Variants in CCDC33 observed in about 807,000 individuals in gnomAD.
The protein encoded by CCDC33 is coiled-coil domain-containing protein 33.
CCDC33 carries 94 observed loss-of-function variants against 91.9 expected under a neutral mutation model. The observed-to-expected ratio is 1.02, with a 90% CI of 0.87 to 1.21. The LOEUF (loss-of-function observed/expected upper bound fraction) is 1.21, where lower values mean the gene tolerates loss of function less well. Ranked by LOEUF, CCDC33 falls within the 50% of genes most tolerant of loss-of-function variation. The pLI is 0.00. For synonymous variants in CCDC33, 396 were observed against 374.5 expected (o/e 1.06, Z -0.66); for missense variants, 940 against 935.5 (o/e 1.00, Z -0.06).
chr15:74,319,816 C>T (rs2142807857), intron 11 of CCDC33: 1 of 152,358 alleles, frequency 6.6e-6, no homozygotes, highest in South Asian at 2.1e-4. Flanking sequence ...GCCAATTAGA[C>T]AGGGGCTGAG....
chr15:74,243,492 G>A (rs1435840741), intron 1 of CCDC33, among the ~76,000 whole-genome samples: 1 of 152,242 alleles, frequency 6.6e-6, no homozygotes, highest in African/African-American at 2.4e-5. Context: ...CAGGACTAGA[G>A]GAGAGGCACT....
chr15:74,266,192 T>A (rs766524865), intron 3 of CCDC33, among the ~76,000 whole-genome samples: 1 of 152,232 alleles, frequency 6.6e-6, no homozygotes, highest in Non-Finnish European at 1.5e-5. Context: ...AGCAGATCAC[T>A]TTTTCTTACT....
At chr15:74,327,998 T>C (rs1416031811) in intron 11 of CCDC33, among the ~76,000 whole-genome samples, 1 of 152,230 alleles carries the variant, frequency 6.6e-6, no homozygotes, top group Non-Finnish European at 1.5e-5. Flanking sequence ...CATCCCTGCA[T>C]GCATTTTCCT....
intron 5 of CCDC33, among the ~76,000 whole-genome samples, chr15:74,270,327 G>A (rs911352390): frequency 6.6e-6 from 1 of 152,210 alleles, no homozygotes; most frequent in African/African-American, 2.4e-5. Context: ...CAGGGAGTCT[G>A]AGTAGAGGGA....
intron 10 of CCDC33, among the ~76,000 whole-genome samples, chr15:74,293,364 T>TTGCCCTGTA (rs2059620683): frequency 6.6e-6 from 1 of 152,182 alleles, no homozygotes; most frequent in African/African-American, 2.4e-5. Flanking sequence ...AAGGTGGTCT[T>TTGCCCTGTA]TGCCCTGTAT....
intron 1 of CCDC33, among the ~76,000 whole-genome samples, chr15:74,238,369 C>T (rs1043781786): frequency 7.5e-5 from 11 of 146,906 alleles, no homozygotes; most frequent in Admixed American, 2.8e-4. Flanking sequence ...GATAGCACCA[C>T]AGCACTCCAG....
At chr15:74,230,282 G>A (rs1237860821) in intron 2 of CCDC33, among the ~76,000 whole-genome samples, 1 of 152,162 alleles carries the variant, frequency 6.6e-6, no homozygotes, top group African/African-American at 2.4e-5. Flanking sequence ...CTGGAAACAG[G>A]TTGAGCCTAT....
chr15:74,335,381 A>C, intron 18 of CCDC33: 1 of 592,118 alleles, frequency 1.7e-6, no homozygotes, highest in Non-Finnish European at 3.0e-6. Flanking sequence ...AGGCATCTCC[A>C]GGATGCCCTG....
intron 15 of CCDC33, among the ~76,000 whole-genome samples, chr15:74,332,246 G>T (rs556032141): frequency 6.6e-6 from 1 of 152,246 alleles, no homozygotes; most frequent in South Asian, 2.1e-4. Flanking sequence ...ACCGCTGAGG[G>T]TCTCAGGGGC....
intron 11 of CCDC33, among the ~76,000 whole-genome samples, chr15:74,328,827 C>T (rs936406332): frequency 6.6e-6 from 1 of 152,206 alleles, no homozygotes; most frequent in African/African-American, 2.4e-5. Flanking sequence ...GGGGGCCGAG[C>T]TCTGCTTCCT....
chr15:74,336,222 G>T (rs1459677467), downstream of CCDC33: 3 of 1,431,248 alleles, frequency 2.1e-6, no homozygotes, highest in Non-Finnish European at 1.8e-6. Flanking sequence ...CTGGGCCTGG[G>T]TCTTCTGCTG....
At chr15:74,223,787 C>CACAA in intron 2 of CCDC33, among the ~76,000 whole-genome samples, 1 of 151,940 alleles carries the variant, frequency 6.6e-6, no homozygotes, top group Non-Finnish European at 1.5e-5. Flanking sequence ...CACACACACA[C>CACAA]ACACACACAG....
At chr15:74,308,354 GACAGAC>G (rs1385489994) in intron 11 of CCDC33, among the ~76,000 whole-genome samples, 12 of 142,036 alleles carry the variant, frequency 8.4e-5, no homozygotes, top group South Asian at 7.0e-4. Flanking sequence ...TGTGCAGACA[GACAGAC>G]ACACACACAC....
chr15:74,268,035 G>A (rs2076213347), intron 4 of CCDC33, among the ~76,000 whole-genome samples: 1 of 152,196 alleles, frequency 6.6e-6, no homozygotes, highest in Admixed American at 6.5e-5. Flanking sequence ...CTGTAATTCT[G>A]GGGGCATCAC....
intron 11 of CCDC33, 78 bp downstream of exon 11, chr15:74,296,026 G>A: frequency 7.6e-7 from 1 of 1,311,468 alleles, no homozygotes; most frequent in Non-Finnish European, 1.0e-6. Flanking sequence ...CCATCTGCAG[G>A]ACTGCTTCAT....
chr15:74,266,885 C>T, intron 4 of CCDC33, 98 bp downstream of exon 4: 1 of 817,418 alleles, frequency 1.2e-6, no homozygotes, highest in Non-Finnish European at 2.1e-6. Flanking sequence ...ATCCCACACC[C>T]ACCCACAGCA....
At position 74,280,764 on chromosome 15, in the gene CCDC33, G is replaced by T. The variant is rs1459648913; in HGVS notation, c.986G>T (p.Gly329Val). ...RLYQKMLTGK[G>V]LDGLHVERLP... Reference sequence around the variant, plus strand: ...TACCAGAAGATGCTGACAGGGAAAGGCTTGGACGGGCTTCACGTGGAGCGG... The same window carrying T: ...TACCAGAAGATGCTGACAGGGAAAGTCTTGGACGGGCTTCACGTGGAGCGG... Residue 329 changes from glycine (G) to valine (V), a missense_variant, in exon 9 of 19, where the codon GGC (glycine) becomes GTC (valine). Transcript: ENST00000398814. 6.4e-7 allele frequency: 1 copy of T among 1,569,110 alleles called. No individual in the cohort carries two copies. The highest frequency in any genetic ancestry group is 8.6e-7 in the Non-Finnish European group (1 of 1,157,234).
At chr15:74,335,642 G>T in intron 18 of CCDC33, 1 of 394,950 alleles carries the variant, frequency 2.5e-6, no homozygotes. Flanking sequence ...GCTGTGCTTT[G>T]CCCGTGGCCA....
At chr15:74,204,940 A>AGAAAGAAAGAAAGAAAG (rs10647648) in intron 1 of CCDC33, among the ~76,000 whole-genome samples, 51 of 151,738 alleles carry the variant, frequency 3.4e-4, no homozygotes, top group African/African-American at 1.2e-3. Flanking sequence ...ATCTCAAAAA[A>AGAAAGAAAGAAAGAAAG]AAAGAAAGAA....
Sources: gnomAD v4.1 joint callset for allele counts (sites outside exome capture counted in the v4.1 genomes callset) on GRCh38, gnomAD v4.1.1 for gene constraint, MANE v1.5 for transcripts, NCBI Gene and HGNC (gene_info 2026-07-23, HGNC 2026-07-21) for gene names.